The following PRKCI variants were observed in gnomAD, a reference collection of about 807,000 sequenced individuals.
PRKCI encodes protein kinase C iota, also known as protein kinase C iota type.
In PRKCI, 43 loss-of-function variants were observed where a neutral mutation model predicts 84.0. The observed-to-expected ratio is 0.51, with a 90% CI of 0.40 to 0.66. The LOEUF (loss-of-function observed/expected upper bound fraction) is 0.66. PRKCI is among the 30% of genes least tolerant of loss of function. PRKCI has a pLI of 0.00. For synonymous variants in PRKCI, 216 were observed against 234.4 expected (o/e 0.92, Z 0.72); for missense variants, 459 against 745.6 (o/e 0.62, Z 4.48).
At chr3:170,235,111 A>G (rs1732936100) in intron 1 of PRKCI, 119 bp from the exon 2 acceptor site, 1 of 1,028,064 alleles carries the variant, frequency 9.7e-7, no homozygotes. Context: ...ACTGAAAGCA[A>G]TACATGTTGA....
At chr3:170,287,121 G>A (rs1734413742) in intron 12 of PRKCI, among the ~76,000 whole-genome samples, 1 of 152,006 alleles carries the variant, frequency 6.6e-6, no homozygotes, top group East Asian at 1.9e-4. Flanking sequence ...GATTGCTGGA[G>A]CTCAGAAGTT....
At chr3:170,302,114 A>G (rs1479260388) in intron 17 of PRKCI, among the ~76,000 whole-genome samples, 1 of 152,216 alleles carries the variant, frequency 6.6e-6, no homozygotes, top group African/African-American at 2.4e-5. Context: ...TGATGGATCA[A>G]GGTGAAACTC....
chr3:170,238,523 CT>C (rs1560167766), intron 2 of PRKCI, among the ~76,000 whole-genome samples: 1 of 149,408 alleles, frequency 6.7e-6, no homozygotes, highest in Non-Finnish European at 1.5e-5. Context: ...TGATTAATCC[CT>C]TATCGATGGA....
chr3:170,294,319 A>G (rs1734642744), intron 14 of PRKCI, among the ~76,000 whole-genome samples: 1 of 152,230 alleles, frequency 6.6e-6, no homozygotes, highest in Admixed American at 6.5e-5. Context: ...ACAGAATCCA[A>G]AGAAGTATGA....
rs1734758251 is a variant in PRKCI, at chr3:170,299,045, A to T, written c.1638A>T (p.Glu546Asp). The T allele has an allele frequency of 6.2e-7, 1 of 1,613,390 alleles. No individual in the cohort carries two copies. Among genetic ancestry groups the T allele is most frequent in the Non-Finnish European group, 8.5e-7 (1 of 1,179,816 alleles). The change falls in exon 17 of 18, where the codon GAA becomes GAT. Residue 546 changes from glutamate to aspartate, a missense_variant. This residue lies in a region of PRKCI where 209 missense variants were observed against 425.9 expected (regional missense o/e 0.49). Coordinates refer to ENST00000295797, the MANE Select transcript of PRKCI (RefSeq NM_002740.6). ...VPPFKPNISG[E>D]FGLDNFDSQF... ...CCTTTAAACCAAATATTTCTGGGGA[A>T]TTTGGTTTGGACAACTTTGATTCTC...
intron 12 of PRKCI, among the ~76,000 whole-genome samples, chr3:170,286,231 C>A (rs919613889): frequency 1.3e-5 from 2 of 151,688 alleles, no homozygotes; most frequent in Non-Finnish European, 2.9e-5. Flanking sequence ...CCGGCCCTTA[C>A]GTATTTATAT....
intron 8 of PRKCI, among the ~76,000 whole-genome samples, chr3:170,277,112 G>A (rs1734134840): frequency 1.3e-5 from 2 of 151,528 alleles, no homozygotes; most frequent in South Asian, 4.2e-4. Context: ...ATTAGGGCGT[G>A]GTGGCACACA....
chr3:170,283,809 A>G (rs1184461626), intron 11 of PRKCI, among the ~76,000 whole-genome samples: 1 of 152,192 alleles, frequency 6.6e-6, no homozygotes, highest in African/African-American at 2.4e-5. Context: ...CATGATCATG[A>G]TAATGTGCCA....
At chr3:170,280,457 T>A (rs1734214318) in intron 9 of PRKCI, 54 bp downstream of exon 9, 10 of 1,485,158 alleles carry the variant, frequency 6.7e-6, no homozygotes, top group Middle Eastern at 1.9e-4. Flanking sequence ...CTATTCTTTT[T>A]TTTTTTTGAA....
intron 16 of PRKCI, among the ~76,000 whole-genome samples, chr3:170,297,941 T>C (rs1391711876): frequency 1.3e-5 from 2 of 151,972 alleles, no homozygotes; most frequent in South Asian, 2.1e-4. Context: ...AGTAGTGTGA[T>C]CTCTGCTCAC....
chr3:170,301,981 C>T (rs1218398988), intron 17 of PRKCI, among the ~76,000 whole-genome samples: 1 of 152,190 alleles, frequency 6.6e-6, no homozygotes, highest in Non-Finnish European at 1.5e-5. Context: ...CTTAGCTACT[C>T]ACCATTCCCT....
At chr3:170,244,651 T>C (rs543088716) in intron 2 of PRKCI, 2 of 152,246 alleles carry the variant, frequency 1.3e-5, no homozygotes, top group East Asian at 3.9e-4. Flanking sequence ...AAAAATCAAC[T>C]CACAAGAGGC....
At chr3:170,247,598 T>C (rs1577348289) in intron 2 of PRKCI, among the ~76,000 whole-genome samples, 1 of 151,412 alleles carries the variant, frequency 6.6e-6, no homozygotes, top group South Asian at 2.1e-4. Context: ...GGTGTGGTGG[T>C]GCATGCCTGC....
At chr3:170,278,397 C>T (rs895352223) in intron 8 of PRKCI, among the ~76,000 whole-genome samples, 5 of 152,178 alleles carry the variant, frequency 3.3e-5, no homozygotes, top group African/African-American at 1.2e-4. Flanking sequence ...TGGCAGCTCA[C>T]ACCTATAATC....
chr3:170,245,945 C>CTTTGTTTTTTTTTTTTTGTTTG lies in PRKCI; in HGVS notation c.223+10611_223+10612insGTTTGTTTGTTTTTTTTTTTTT, dbSNP rs1560169851. On this transcript the variant is annotated intron_variant, in intron 2 of 17. Coordinates refer to ENST00000295797, the MANE Select transcript of PRKCI (RefSeq NM_002740.6). ...TCTCTTTTTTCCCTGGATGTTATGT[C>CTTTGTTTTTTTTTTTTTGTTTG]TTTGTTTTTTTTTTTTTTTTTTTTT... Among the ~76,000 whole-genome samples, 5 of 95,172 alleles carry CTTTGTTTTTTTTTTTTTGTTTG rather than the reference C, an allele frequency of 5.3e-5. No individual in the cohort carries two copies. The East Asian group carries it at 1.2e-3, about 23-fold the overall frequency. The allele number at this position is 95,172 out of a possible 152,430, so 62.4% of individuals were successfully genotyped here. A position where few individuals can be genotyped will look rare whatever the true frequency, so the allele number is the denominator to read the frequency against.
chr3:170,230,128 T>C (rs926645628), intron 1 of PRKCI, among the ~76,000 whole-genome samples: 8 of 152,046 alleles, frequency 5.3e-5, no homozygotes, highest in Admixed American at 1.3e-4. Flanking sequence ...AAAGTGTTTT[T>C]CATCTAAAAA....
At chr3:170,291,819 A>C in intron 12 of PRKCI, 35 bp from the exon 13 acceptor site, 1 of 1,492,720 alleles carries the variant, frequency 6.7e-7, no homozygotes, top group Non-Finnish European at 9.3e-7. Context: ...AGAACTTTTT[A>C]TCTCATTCTT....
rs373373628 is a variant in PRKCI at position 170,233,436 on chromosome 3, A to G, written c.102-1794A>G. Among the ~76,000 whole-genome samples the G allele has an allele frequency of 9.9e-5, 15 of 152,264 alleles. No individual in the cohort carries two copies. In the East Asian group the frequency reaches 1.4e-3, roughly 14 times the overall value. On this transcript the variant is annotated intron_variant, in intron 1 of 17. Transcript: ENST00000295797. ...TTATATTCTGTTGAGGATCAGTGGT[A>G]AAATAATTTATGCTAGTGCTGAAGT...
At chr3:170,248,312 G>T (rs516741) in intron 2 of PRKCI, among the ~76,000 whole-genome samples, 52,168 of 151,880 alleles carry the variant, frequency 0.34, 9,852 homozygotes, top group African/African-American at 0.51. Flanking sequence ...CTAATTTGCT[G>T]CTTTCTTTTT....
Sources: allele counts gnomAD v4.1 joint callset (sites outside exome capture counted in the v4.1 genomes callset), GRCh38; gene constraint gnomAD v4.1.1; regional missense constraint gnomAD v4.1.1; transcripts MANE v1.5; gene names NCBI Gene and HGNC (gene_info 2026-07-23, HGNC 2026-07-21).